Variants in C19orf38 observed in about 807,000 individuals in gnomAD.
C19orf38 encodes protein HIDE1.
C19orf38 carries 14 observed loss-of-function variants against 26.6 expected under a neutral mutation model. The ratio of observed to expected loss-of-function variants is 0.53; its 90% confidence interval spans 0.35 to 0.82. The LOEUF (loss-of-function observed/expected upper bound fraction) is 0.82. C19orf38 is among the 40% of genes least tolerant of loss of function. The probability of loss-of-function intolerance (pLI) is 0.01; values close to 1 mark genes in which losing one functional copy is unlikely to be tolerated. For missense variants in C19orf38, 261 were observed against 299.5 expected (o/e 0.87, Z 0.95); for synonymous variants, 132 against 128.5 (o/e 1.03, Z -0.18).
chr19:10,851,706 C>G (rs976587581), intron 2 of C19orf38, among the ~76,000 whole-genome samples: 1 of 151,938 alleles, frequency 6.6e-6, no homozygotes, highest in Non-Finnish European at 1.5e-5. Flanking sequence ...TGGTGGCTCA[C>G]GCCTGTAATC....
intron 6 of C19orf38, among the ~76,000 whole-genome samples, chr19:10,865,406 C>A (rs1331580856): frequency 2.0e-5 from 3 of 152,192 alleles, no homozygotes; most frequent in Non-Finnish European, 4.4e-5. Flanking sequence ...CTTGGCCTCC[C>A]AAAGTGCTGG....
chr19:10,862,377 A>C (rs1002217562), intron 5 of C19orf38, among the ~76,000 whole-genome samples: 1 of 151,720 alleles, frequency 6.6e-6, no homozygotes, highest in Non-Finnish European at 1.5e-5. Flanking sequence ...GCTACTTTTT[A>C]AATTTTTTTT....
At chr19:10,838,441 T>C (rs1988131311) in intron 1 of C19orf38, among the ~76,000 whole-genome samples, 1 of 152,104 alleles carries the variant, frequency 6.6e-6, no homozygotes, top group African/African-American at 2.4e-5. Flanking sequence ...ATTTTAAAAT[T>C]AACAATTCAG....
intron 5 of C19orf38, 105 bp from the exon 6 acceptor site, chr19:10,863,065 C>A (rs1186560291): frequency 1.7e-6 from 2 of 1,189,384 alleles, no homozygotes; most frequent in Admixed American, 2.0e-5. Flanking sequence ...GGGAGATGGA[C>A]CCCAATTGCT....
chr19:10,837,143 G>A (rs1599651020), intron 1 of C19orf38, among the ~76,000 whole-genome samples: 3 of 152,216 alleles, frequency 2.0e-5, no homozygotes, highest in African/African-American at 7.2e-5. Flanking sequence ...TACGTGAAAT[G>A]CTTGTTGAGT....
rs751301114 is a variant in C19orf38, at chr19:10,863,207, G to T, written c.543G>T (p.Ala181=). 1 of 1,551,214 alleles carries T rather than the reference G, an allele frequency of 6.4e-7. No individual in the cohort carries two copies. Among genetic ancestry groups the T allele is most frequent in the Non-Finnish European group, 8.7e-7 (1 of 1,146,666 alleles). The part of the protein sequence containing the change: ...SFDNSLFTVS[A]KTMPEEDPAT... The stretch of plus-strand genomic sequence containing the variant: ...ATAACTCCCTGTTTACCGTCTCCGC[G>T]GTGAGTGGTTCTTTTTCTTGGAACC... Residue 181 remains alanine (A), a splice_region_variant and synonymous_variant, in exon 6 of 7, where the codon GCG becomes GCT. Transcript: ENST00000397820.
chr19:10,851,571 T>C (rs1305652830), intron 2 of C19orf38, among the ~76,000 whole-genome samples: 3 of 152,122 alleles, frequency 2.0e-5, no homozygotes, highest in Non-Finnish European at 4.4e-5. Context: ...TGGTAGCTCA[T>C]GCTTGTAATC....
At chr19:10,858,249 A>C (rs895972699) in intron 3 of C19orf38, 67 bp from the exon 4 acceptor site, 23 of 1,276,500 alleles carry the variant, frequency 1.8e-5, no homozygotes, top group South Asian at 1.2e-4. Context: ...AAAAAAAAAA[A>C]AAACAGAAAT....
chr19:10,850,273 C>A lies in C19orf38; in HGVS notation c.46C>A (p.Pro16Thr). The stretch of plus-strand genomic sequence containing the variant: ...CTGCATTGCAGGCTCCTTGGCGATC[C>A]CAGCACCATCCATCCGGCTGGTGCC... ...LLFAAGSLAI[P>T]APSIRLVPPY... Residue 16 changes from proline (P) to threonine (T), a missense_variant, in exon 2 of 7, where the codon CCA becomes ACA. Coordinates refer to ENST00000397820, the MANE Select transcript of C19orf38 (RefSeq NM_001136482.3). 1.3e-6 allele frequency: 2 copies of A among 1,550,234 alleles called. No individual in the cohort carries two copies. The highest frequency in any genetic ancestry group is 1.2e-5 in the South Asian group (1 of 83,974).
chr19:10,839,421 T>C (rs1404330424), intron 1 of C19orf38, among the ~76,000 whole-genome samples: 2 of 152,206 alleles, frequency 1.3e-5, no homozygotes, highest in Non-Finnish European at 2.9e-5. Context: ...GGCTACTTTC[T>C]GTTAGAAAAG....
intron 2 of C19orf38, among the ~76,000 whole-genome samples, chr19:10,854,009 C>T (rs951061228): frequency 1.3e-5 from 2 of 151,282 alleles, no homozygotes; most frequent in Non-Finnish European, 2.9e-5. Context: ...GCCATGATCG[C>T]ACCACTGCAT....
Position 10,838,583 on chromosome 19 carries a change from CG to C in C19orf38, c.-69+1817del, listed in dbSNP as rs2073454986. The stretch of plus-strand genomic sequence containing the variant: ...CGGCCTCGTTGTCTTGAGTAACACC[CG>C]GGGTCGTTGTCTCACAGCCACGAAG... On this transcript the variant is annotated intron_variant, in intron 1 of 7. Coordinates refer to the C19orf38 transcript ENST00000592854. Among the ~76,000 whole-genome samples the C allele has an allele frequency of 3.3e-5, 5 of 152,028 alleles. 1 individual carries two copies. In the South Asian group the frequency reaches 1.0e-3, roughly 32 times the overall value.
upstream of C19orf38, among the ~76,000 whole-genome samples, chr19:10,846,998 T>A (rs2073523486): frequency 6.6e-6 from 1 of 152,196 alleles, no homozygotes; most frequent in African/African-American, 2.4e-5. Context: ...TGGATTGAAC[T>A]TTCTGTGTCC....
chr19:10,845,047 C>T (rs535563545), upstream of C19orf38, among the ~76,000 whole-genome samples: 437 of 149,562 alleles, frequency 2.9e-3, 1 homozygote, highest in African/African-American at 0.01. Flanking sequence ...GTCCCAGCTA[C>T]TTGGAAGGCT....
upstream of C19orf38, among the ~76,000 whole-genome samples, chr19:10,845,129 C>T (rs1044737033): frequency 9.3e-5 from 14 of 149,818 alleles, no homozygotes; most frequent in African/African-American, 2.7e-4. Flanking sequence ...TGCACTCCAG[C>T]AGCCTGGGCA....
intron 6 of C19orf38, among the ~76,000 whole-genome samples, chr19:10,863,625 A>G (rs1475365242): frequency 6.6e-6 from 1 of 152,168 alleles, no homozygotes; most frequent in Non-Finnish European, 1.5e-5. Flanking sequence ...CTGGGTATAA[A>G]GAAAAGCATG....
chr19:10,842,539 C>T (rs370469852), intron 1 of C19orf38, among the ~76,000 whole-genome samples: 55 of 151,838 alleles, frequency 3.6e-4, no homozygotes, highest in African/African-American at 1.1e-3. Context: ...GGATTACAGG[C>T]GTGAGCCACT....
Position 10,858,249 on chromosome 19 carries a change from A to AC in C19orf38, c.434-67_434-66insC, listed in dbSNP as rs1213786330. The AC allele has an allele frequency of 3.1e-5, 40 of 1,276,388 alleles. No individual in the cohort carries two copies. In the African/African-American group the frequency reaches 5.4e-4, roughly 17 times the overall value. 79.1% of individuals were successfully genotyped at this position (1,276,388 alleles called of 1,614,324 possible). ...TCTAAAAAAAAAAAAAAAAAAAAAA[A>AC]AAACAGAAATTGCCGGATACAATTA... On this transcript the variant is annotated intron_variant, in intron 3 of 6. Coordinates refer to ENST00000397820, the MANE Select transcript of C19orf38 (RefSeq NM_001136482.3).
At chr19:10,839,653 G>C (rs191849689) in intron 1 of C19orf38, among the ~76,000 whole-genome samples, 38 of 151,438 alleles carry the variant, frequency 2.5e-4, no homozygotes, top group Admixed American at 1.1e-3. Context: ...GTTAGACCAT[G>C]TATCAATATT....
Sources: allele counts gnomAD v4.1 joint callset (sites outside exome capture counted in the v4.1 genomes callset), GRCh38; gene constraint gnomAD v4.1.1; transcripts MANE v1.5; gene names NCBI Gene and HGNC (gene_info 2026-07-23, HGNC 2026-07-21).